Variants in ZBTB38 observed in about 807,000 individuals in gnomAD.
ZBTB38 encodes the protein zinc finger and BTB domain-containing protein 38.
Under a neutral mutation model 76.8 loss-of-function variants are expected in ZBTB38, and 20 were observed. The ratio of observed to expected loss-of-function variants is 0.26; its 90% confidence interval spans 0.18 to 0.38. ZBTB38 has a LOEUF of 0.38. Among genes scored for constraint, ZBTB38 ranks in the 10% least tolerant of loss-of-function variants. The pLI is 1.00. For missense variants in ZBTB38, 1,082 were observed against 1,482.3 expected, an observed-to-expected ratio of 0.73 and a Z score of 4.43; for synonymous variants, 504 against 544.2, an observed-to-expected ratio of 0.93 and a Z score of 1.03.
chr3:141,374,080 C>T (rs947510899), intron 2 of ZBTB38, among the ~76,000 whole-genome samples: 5 of 148,638 alleles, frequency 3.4e-5, no homozygotes, highest in East Asian at 3.9e-4. Flanking sequence ...TGGTGAGCCA[C>T]GACTGGGCCA....
At chr3:141,340,966 G>GAAAGAAAGA (rs1943173678) in intron 1 of ZBTB38, among the ~76,000 whole-genome samples, 1 of 83,916 alleles carries the variant, frequency 1.2e-5, no homozygotes, top group Non-Finnish European at 2.4e-5. Context: ...AAGAAAGAAA[G>GAAAGAAAGA]AAAGAAAGAA....
At chr3:141,355,360 C>T (rs566548751) in intron 1 of ZBTB38, among the ~76,000 whole-genome samples, 3 of 152,236 alleles carry the variant, frequency 2.0e-5, no homozygotes, top group Admixed American at 6.5e-5. Flanking sequence ...CCTCCATGGG[C>T]ATGTACAGGA....
At chr3:141,342,104 A>T (rs1381687247) in intron 1 of ZBTB38, among the ~76,000 whole-genome samples, 1 of 152,196 alleles carries the variant, frequency 6.6e-6, no homozygotes, top group Non-Finnish European at 1.5e-5. Context: ...AGGCAGGTGG[A>T]TCACGAGTTC....
chr3:141,385,779 C>G (rs1478482317), intron 3 of ZBTB38: 1 of 152,004 alleles, frequency 6.6e-6, no homozygotes, highest in Non-Finnish European at 1.5e-5. Flanking sequence ...ATTGAACTAT[C>G]TGCAGAAGGT....
At chr3:141,341,013 AAGAG>A (rs1262857069) in intron 1 of ZBTB38, among the ~76,000 whole-genome samples, 7 of 151,768 alleles carry the variant, frequency 4.6e-5, no homozygotes, top group East Asian at 1.9e-4. Flanking sequence ...GAAAGAAAGA[AAGAG>A]AAAGATAGAC....
intron 5 of ZBTB38, among the ~76,000 whole-genome samples, chr3:141,406,052 T>G (rs1954273891): frequency 6.6e-6 from 1 of 151,990 alleles, no homozygotes; most frequent in Non-Finnish European, 1.5e-5. Context: ...TTGGAGCATA[T>G]TCAGGGAAAA....
chr3:141,447,973 A>T lies in ZBTB38; in HGVS notation c.*1997A>T, dbSNP rs925533416. 1.3e-5 allele frequency: 2 copies of T among 152,774 alleles called. No homozygotes were observed. Among genetic ancestry groups the T allele is most frequent in the Non-Finnish European group, 2.9e-5 (2 of 68,032 alleles). 9.5% of individuals were successfully genotyped at this position (152,774 alleles called of 1,614,324 possible). A position where few individuals can be genotyped will look rare whatever the true frequency, so the allele number is the denominator to read the frequency against. On this transcript the variant is annotated 3_prime_UTR_variant, in exon 6 of 6. Coordinates refer to ENST00000321464, the MANE Select transcript of ZBTB38 (RefSeq NM_001376113.1). ...TACATTGTATATATGTACACCCTAC[A>T]CTATTCATTTGGGTTTTATTAAAGA...
At chr3:141,386,592 A>G (rs541757138) in intron 3 of ZBTB38, 2 of 152,428 alleles carry the variant, frequency 1.3e-5, no homozygotes, top group East Asian at 3.8e-4. Flanking sequence ...TAAAATTAAC[A>G]TCTATAAAAT....
intron 1 of ZBTB38, among the ~76,000 whole-genome samples, chr3:141,337,831 T>C (rs1382936564): frequency 1.3e-5 from 2 of 152,196 alleles, no homozygotes; most frequent in African/African-American, 4.8e-5. Context: ...GGAAGAAAAC[T>C]GAGACTTGCG....
chr3:141,445,544 CT>C lies in ZBTB38; in HGVS notation c.3158del (p.Leu1053TyrfsTer11). The part of the protein sequence containing the change: ...CGRCFSVQGN[L>X]QKHERIHLGL... ...GACGGTGCTTTTCGGTGCAAGGAAA[CT>C]TACAGAAACATGAACGCATCCACCT... is the stretch of plus-strand genomic sequence containing the variant. On this transcript the variant is annotated frameshift_variant, in exon 6 of 6. Coordinates refer to ENST00000321464, the MANE Select transcript of ZBTB38 (RefSeq NM_001376113.1). LOFTEE classifies it high-confidence loss of function. The surrounding 1 kb of genome is among the most constrained non-coding windows in gnomAD (Gnocchi z 6.5). The C allele has an allele frequency of 6.2e-7, 1 of 1,614,238 alleles. No homozygotes were observed. Among genetic ancestry groups the C allele is most frequent in the Non-Finnish European group, 8.5e-7 (1 of 1,180,044 alleles).
rs549725182 is a variant in ZBTB38 at position 141,348,752 on chromosome 3, G to A, written c.-738-19869G>A. Among the ~76,000 whole-genome samples the A allele has an allele frequency of 2.1e-4, 32 of 152,334 alleles. No homozygotes were observed. The South Asian group carries it at 6.4e-3, about 31-fold the overall frequency. Reference sequence around the variant, plus strand: ...AATGAGTATCTGATTCAAGATGGCAGATAAGCACACTTGATTTATCCTCAC... The same window carrying A: ...AATGAGTATCTGATTCAAGATGGCAAATAAGCACACTTGATTTATCCTCAC... On this transcript the variant is annotated intron_variant, in intron 1 of 7. Transcript: ENST00000509842.
chr3:141,376,923 C>T (rs576861470), intron 2 of ZBTB38, among the ~76,000 whole-genome samples: 2 of 152,352 alleles, frequency 1.3e-5, no homozygotes, highest in Admixed American at 1.3e-4. Context: ...TGGTCCCACC[C>T]TTGCCTCTCT....
At chr3:141,347,008 G>C (rs542619716) in intron 1 of ZBTB38, among the ~76,000 whole-genome samples, 2 of 152,258 alleles carry the variant, frequency 1.3e-5, no homozygotes, top group Admixed American at 1.3e-4. Context: ...CCAAAGAACT[G>C]TTCCTCATCA....
At chr3:141,353,613 T>A (rs187529226) in intron 1 of ZBTB38, among the ~76,000 whole-genome samples, 1 of 152,088 alleles carries the variant, frequency 6.6e-6, no homozygotes. Context: ...CCACTATCAT[T>A]TGTATGTATG....
intron 5 of ZBTB38, chr3:141,426,019 C>T: frequency 1.7e-6 from 1 of 578,488 alleles, no homozygotes; most frequent in East Asian, 6.7e-5. Context: ...TGGGACACAG[C>T]TTGGATGACA....
rs764174035 is a variant in ZBTB38 at position 141,445,452 on chromosome 3, C to G, written c.3064C>G (p.Pro1022Ala). 9.3e-6 allele frequency: 15 copies of G among 1,614,026 alleles called. No individual in the cohort carries two copies. The highest frequency in any genetic ancestry group is 2.2e-5 in the East Asian group (1 of 44,892). The change falls in exon 6 of 6, where the codon CCT (proline) becomes GCT (alanine). Residue 1022 changes from proline to alanine, a missense_variant. By Grantham distance (27) the Pro-to-Ala change is conservative. This residue lies in a region of ZBTB38 where 471 missense variants were observed against 581.0 expected (regional missense o/e 0.81). Coordinates refer to ENST00000321464, the MANE Select transcript of ZBTB38 (RefSeq NM_001376113.1). This position sits in a 1 kb window ranked among gnomAD's most constrained non-coding sequence, Gnocchi z 6.5. Reference sequence around the variant, plus strand: ...GCTCTGCGCCAAGCAGTTCCAGAGCCCTTCCACACTCAAAATGCACATGAG... The same window carrying G: ...GCTCTGCGCCAAGCAGTTCCAGAGCGCTTCCACACTCAAAATGCACATGAG... ...CELCAKQFQSPSTLKMHMRCH... is the reference protein window; with the variant it reads ...CELCAKQFQSASTLKMHMRCH...
At chr3:141,434,310 C>A in intron 5 of ZBTB38, 2 of 641,320 alleles carry the variant, frequency 3.1e-6, no homozygotes, top group Non-Finnish European at 3.8e-6. Context: ...TCTCCTAAGG[C>A]TTTATTCAGG....
chr3:141,440,620 A>G (rs1266336189), intron 5 of ZBTB38, among the ~76,000 whole-genome samples: 1 of 152,216 alleles, frequency 6.6e-6, no homozygotes, highest in Non-Finnish European at 1.5e-5. Flanking sequence ...TCTGGTTAGT[A>G]TGTTCTGTAG....
At chr3:141,371,896 C>T (rs1186372554) in intron 2 of ZBTB38, among the ~76,000 whole-genome samples, 1 of 152,088 alleles carries the variant, frequency 6.6e-6, no homozygotes, top group Non-Finnish European at 1.5e-5. Flanking sequence ...ATGATGGGTG[C>T]CTTGTGATGC....
Sources: allele counts gnomAD v4.1 joint callset (sites outside exome capture counted in the v4.1 genomes callset), GRCh38; gene constraint gnomAD v4.1.1; regional missense constraint gnomAD v4.1.1; non-coding constraint Gnocchi (gnomAD v3.1); transcripts MANE v1.5; gene names NCBI Gene and HGNC (gene_info 2026-07-23, HGNC 2026-07-21).